The following SPIDR variants were observed in gnomAD, a reference collection of about 807,000 sequenced individuals.
SPIDR encodes DNA repair-scaffolding protein.
In SPIDR, 93 loss-of-function variants were observed where a neutral mutation model predicts 104.6. That is an observed-to-expected ratio of 0.89 (90% confidence interval 0.75 to 1.06). The LOEUF is 1.06. Ranked by LOEUF, SPIDR falls within the 50% of genes least tolerant of loss-of-function variation. The pLI, the probability that SPIDR is intolerant of heterozygous loss-of-function variation, is 0.00. For missense variants in SPIDR, 1,154 were observed against 1,111.2 expected, an observed-to-expected ratio of 1.04 and a Z score of -0.55; for synonymous variants, 431 against 416.9, an observed-to-expected ratio of 1.03 and a Z score of -0.41.
intron 16 of SPIDR, among the ~76,000 whole-genome samples, chr8:47,717,591 TG>T (rs1376083201): frequency 2.6e-5 from 4 of 152,112 alleles, no homozygotes; most frequent in Non-Finnish European, 5.9e-5. Context: ...GTTGGTACAC[TG>T]AGGGAACTTT....
intron 8 of SPIDR, among the ~76,000 whole-genome samples, chr8:47,503,971 C>G (rs2081021023): frequency 6.6e-6 from 1 of 152,332 alleles, no homozygotes; most frequent in South Asian, 2.1e-4. Context: ...CCCCCACTCT[C>G]TTCTGGCTTG....
intron 5 of SPIDR, among the ~76,000 whole-genome samples, chr8:47,321,714 C>A (rs1218708147): frequency 1.3e-5 from 2 of 152,150 alleles, no homozygotes; most frequent in Admixed American, 6.5e-5. Flanking sequence ...GCTGCAGTAA[C>A]CAAAACTGCA....
intron 11 of SPIDR, among the ~76,000 whole-genome samples, chr8:47,696,247 C>A (rs1360292432): frequency 6.6e-6 from 1 of 152,156 alleles, no homozygotes; most frequent in African/African-American, 2.4e-5. Context: ...CAAGTTGGTT[C>A]TCTTCCTTTG....
intron 5 of SPIDR, among the ~76,000 whole-genome samples, chr8:47,354,649 A>ATTTT (rs1259355199): frequency 7.3e-5 from 11 of 150,704 alleles, no homozygotes; most frequent in Admixed American, 6.6e-4. Flanking sequence ...TAAATTTTTT[A>ATTTT]TTTTTTTTTA....
chr8:47,648,074 C>T (rs1165744557), intron 10 of SPIDR, among the ~76,000 whole-genome samples: 1 of 152,082 alleles, frequency 6.6e-6, no homozygotes, highest in Non-Finnish European at 1.5e-5. Flanking sequence ...AATCTGGAAC[C>T]CCTGTAGAAG....
intron 1 of SPIDR, among the ~76,000 whole-genome samples, chr8:47,272,761 C>T (rs948285528): frequency 2.0e-5 from 3 of 152,024 alleles, no homozygotes; most frequent in Non-Finnish European, 4.4e-5. Flanking sequence ...ATTAGGCATG[C>T]GGACACATTG....
intron 16 of SPIDR, among the ~76,000 whole-genome samples, chr8:47,716,341 T>A (rs10092880): frequency 0.14 from 21,814 of 152,128 alleles, 2,445 homozygotes; most frequent in African/African-American, 0.29. Flanking sequence ...TATAACTAGT[T>A]CCTGACTTTT....
intron 8 of SPIDR, among the ~76,000 whole-genome samples, chr8:47,488,841 G>C (rs1489443591): frequency 6.6e-6 from 1 of 152,130 alleles, no homozygotes; most frequent in East Asian, 1.9e-4. Context: ...AGGTATTGAT[G>C]GGACGTATCT....
At chr8:47,387,354 A>G (rs896371232) in intron 5 of SPIDR, among the ~76,000 whole-genome samples, 19 of 152,154 alleles carry the variant, frequency 1.2e-4, no homozygotes, top group Non-Finnish European at 2.6e-4. Flanking sequence ...TCTTAAGAGC[A>G]TGGAATGCTC....
At chr8:47,621,043 G>A (rs1398836455) in intron 10 of SPIDR, among the ~76,000 whole-genome samples, 6 of 151,436 alleles carry the variant, frequency 4.0e-5, no homozygotes, top group South Asian at 2.1e-4. Flanking sequence ...TGCAGTCTCC[G>A]CCTCCTGGGT....
intron 16 of SPIDR, among the ~76,000 whole-genome samples, chr8:47,717,666 C>A (rs1349219040): frequency 2.4e-4 from 36 of 152,204 alleles, no homozygotes; most frequent in Non-Finnish European, 5.9e-5. Flanking sequence ...TGGGCATTAG[C>A]TGTGTTGGCA....
At chr8:47,502,891 T>A (rs1025613602) in intron 8 of SPIDR, among the ~76,000 whole-genome samples, 1 of 152,264 alleles carries the variant, frequency 6.6e-6, no homozygotes, top group Non-Finnish European at 1.5e-5. Context: ...CATTTCGTTA[T>A]GTACTCAGTA....
At chr8:47,499,063 CA>C (rs1586727618) in intron 8 of SPIDR, among the ~76,000 whole-genome samples, 1 of 152,096 alleles carries the variant, frequency 6.6e-6, no homozygotes, top group East Asian at 1.9e-4. Context: ...AACTGTTTAG[CA>C]AAAGAAACCA....
At chr8:47,712,419 A>C (rs2082011052) in intron 14 of SPIDR, among the ~76,000 whole-genome samples, 1 of 152,228 alleles carries the variant, frequency 6.6e-6, no homozygotes, top group Non-Finnish European at 1.5e-5. Flanking sequence ...TCAGTGGACA[A>C]ATGGAATGCT....
chr8:47,411,795 A>G (rs1428245915), intron 7 of SPIDR, among the ~76,000 whole-genome samples: 8 of 152,306 alleles, frequency 5.3e-5, no homozygotes, highest in Admixed American at 5.2e-4. Context: ...TAGGTCTAAC[A>G]TTTAAGTCTT....
At chr8:47,605,176 CAG>C (rs908335020) in intron 10 of SPIDR, among the ~76,000 whole-genome samples, 2 of 152,182 alleles carry the variant, frequency 1.3e-5, no homozygotes, top group African/African-American at 4.8e-5. Context: ...ACTGAGGAGA[CAG>C]AGGAGGCTGG....
intron 11 of SPIDR, among the ~76,000 whole-genome samples, chr8:47,691,737 T>C (rs1187969355): frequency 6.6e-6 from 1 of 152,228 alleles, no homozygotes; most frequent in Admixed American, 6.5e-5. Context: ...AGTGCAGGGC[T>C]GTCCTGTCTG....
chr8:47,702,093 TC>T (rs2080328782), intron 14 of SPIDR, 78 bp downstream of exon 14: 8 of 81,556 alleles, frequency 9.8e-5, no homozygotes, highest in African/African-American at 4.1e-4. Flanking sequence ...TCTCTCTCTC[TC>T]TCTTACACAC....
chr8:47,573,219 A>G (rs2058725877), intron 8 of SPIDR, among the ~76,000 whole-genome samples: 1 of 152,218 alleles, frequency 6.6e-6, no homozygotes, highest in African/African-American at 2.4e-5. Flanking sequence ...GGCTTAGCAC[A>G]GTGAGCCCCT....
Sources: allele counts gnomAD v4.1 joint callset (sites outside exome capture counted in the v4.1 genomes callset), GRCh38; gene constraint gnomAD v4.1.1; transcripts MANE v1.5; gene names NCBI Gene and HGNC (gene_info 2026-07-23, HGNC 2026-07-21).